The following OR4N2 variants were observed in gnomAD, a reference collection of about 807,000 sequenced individuals.
OR4N2 encodes olfactory receptor family 4 subfamily N member 2.
For missense variants in OR4N2, 307 were observed against 377.6 expected (o/e 0.81, Z 1.55); for synonymous variants, 141 against 140.4 (o/e 1.00, Z -0.03).
In OR4N2 at chr14:19,827,589, C is replaced by T; in HGVS notation, c.141C>T (p.Phe47=). ...TCCCTGGAAATTTTCTCATTATTTTCACCATAAAGTCAGACCCTGGGCTCA... is the reference window on the plus strand; with the variant it reads ...TCCCTGGAAATTTTCTCATTATTTTTACCATAAAGTCAGACCCTGGGCTCA... ...IILPGNFLII[F]TIKSDPGLTA... is the part of the protein sequence containing the mutation. Residue 47 remains phenylalanine, a synonymous_variant, in exon 2 of 2, where the codon TTC becomes TTT. Coordinates refer to ENST00000557677, the MANE Select transcript of OR4N2 (RefSeq NM_001004723.3). 1.2e-6 allele frequency: 2 copies of T among 1,614,212 alleles called. No individual in the cohort carries two copies. The highest frequency in any genetic ancestry group is 1.7e-6 in the Non-Finnish European group (2 of 1,180,030).
chr14:19,825,847 C>T (rs1455435934), intron 1 of OR4N2, among the ~76,000 whole-genome samples: 12 of 152,314 alleles, frequency 7.9e-5, no homozygotes, highest in South Asian at 2.1e-4. Flanking sequence ...CATGAGTCAT[C>T]GTGCCCGGCC....
At chr14:19,806,301 A>G (rs1879163275) in intron 1 of OR4N2, among the ~76,000 whole-genome samples, 1 of 151,606 alleles carries the variant, frequency 6.6e-6, no homozygotes, top group East Asian at 1.9e-4. Flanking sequence ...AAAAGGCAAG[A>G]CACCACTGTC....
chr14:19,817,358 T>C (rs1351081175), intron 1 of OR4N2, among the ~76,000 whole-genome samples: 4 of 152,262 alleles, frequency 2.6e-5, no homozygotes, highest in Non-Finnish European at 5.9e-5. Context: ...AATTACTGCC[T>C]CGATTTCAAA....
At chr14:19,821,425 T>C (rs1879562288) in intron 1 of OR4N2, among the ~76,000 whole-genome samples, 1 of 152,236 alleles carries the variant, frequency 6.6e-6, no homozygotes, top group South Asian at 2.1e-4. Context: ...AAGCCTTTAA[T>C]TGAAAAATTT....
intron 1 of OR4N2, among the ~76,000 whole-genome samples, chr14:19,818,663 G>C (rs1308094183): frequency 2.0e-5 from 3 of 152,114 alleles, no homozygotes; most frequent in Admixed American, 6.6e-5. Flanking sequence ...ATTCTAACTG[G>C]GGACTTAACC....
rs1279491782 is a variant in OR4N2 at position 19,829,667 on chromosome 14, C to A, written c.*1295C>A. On this transcript the variant is annotated 3_prime_UTR_variant, in exon 2 of 2. Coordinates refer to ENST00000557677, the MANE Select transcript of OR4N2 (RefSeq NM_001004723.3). ...ATAACAGAAGCCTCTCCTACTGCAT[C>A]CCTTTAACTAGCTGACTATATATTC... is the stretch of plus-strand genomic sequence containing the variant. 6.6e-6 allele frequency: 1 copy of A among 152,262 alleles called. No homozygotes were observed. Among genetic ancestry groups the A allele is most frequent in the Non-Finnish European group, 1.5e-5 (1 of 68,052 alleles). The allele number at this position is 152,262 out of a possible 1,614,324, so 9.4% of individuals were successfully genotyped here.
chr14:19,826,916 T>G (rs1487034405), intron 1 of OR4N2, among the ~76,000 whole-genome samples: 7 of 152,192 alleles, frequency 4.6e-5, no homozygotes, highest in Non-Finnish European at 8.8e-5. Flanking sequence ...GTAAATTAGA[T>G]GATAAGACAG....
intron 1 of OR4N2, among the ~76,000 whole-genome samples, chr14:19,821,399 C>A (rs111242534): frequency 6.6e-6 from 1 of 151,406 alleles, no homozygotes; most frequent in Non-Finnish European, 1.5e-5. Flanking sequence ...TGCCAGCCAC[C>A]GTCTAAAGTT....
intron 1 of OR4N2, among the ~76,000 whole-genome samples, chr14:19,808,840 A>G (rs1423931331): frequency 6.6e-6 from 1 of 152,222 alleles, no homozygotes; most frequent in East Asian, 1.9e-4. Flanking sequence ...AAAAGTAAAA[A>G]AAATGAAACT....
At chr14:19,823,732 C>A (rs1879623117) in intron 1 of OR4N2, among the ~76,000 whole-genome samples, 1 of 147,166 alleles carries the variant, frequency 6.8e-6, no homozygotes. Context: ...TAAATAGAGC[C>A]AGAAAGAAAC....
At chr14:19,818,296 C>G (rs1879478288) in intron 1 of OR4N2, among the ~76,000 whole-genome samples, 2 of 151,472 alleles carry the variant, frequency 1.3e-5, no homozygotes, top group Non-Finnish European at 2.9e-5. Flanking sequence ...AAATCTCCCA[C>G]TATTATTGTG....
intron 1 of OR4N2, among the ~76,000 whole-genome samples, chr14:19,816,919 C>T (rs574795921): frequency 1.9e-4 from 29 of 152,280 alleles, no homozygotes; most frequent in East Asian, 1.7e-3. Flanking sequence ...TGAATTTTAT[C>T]GAAGGCCTTT....
At chr14:19,804,060 T>A (rs61976676) in intron 1 of OR4N2, among the ~76,000 whole-genome samples, 53,340 of 148,084 alleles carry the variant, frequency 0.36, 6,170 homozygotes, top group East Asian at 0.44. Flanking sequence ...TTGTCATTTC[T>A]GACTGTGTTT....
chr14:19,823,260 A>T (rs563524380), intron 1 of OR4N2, among the ~76,000 whole-genome samples: 6 of 152,346 alleles, frequency 3.9e-5, no homozygotes, highest in Middle Eastern at 3.4e-3. Flanking sequence ...TTTGTATTCA[A>T]TATATTTATT....
intron 1 of OR4N2, among the ~76,000 whole-genome samples, chr14:19,812,329 C>CTTTTTTTTTTTTTTTTTTTTTTTT (rs3078143): frequency 1.0e-4 from 12 of 117,436 alleles, no homozygotes; most frequent in African/African-American, 3.3e-4. Flanking sequence ...CTTTTCTTTT[C>CTTTTTTTTTTTTTTTTTTTTTTTT]TTTTTTTTTT....
At chr14:19,827,157 C>A (rs557748293) in intron 1 of OR4N2, among the ~76,000 whole-genome samples, 1 of 152,316 alleles carries the variant, frequency 6.6e-6, no homozygotes, top group South Asian at 2.1e-4. Flanking sequence ...TGTAGGAATC[C>A]CAACGTGGAG....
chr14:19,823,942 C>T (rs1260656524), intron 1 of OR4N2, among the ~76,000 whole-genome samples: 2 of 152,256 alleles, frequency 1.3e-5, no homozygotes, highest in Non-Finnish European at 2.9e-5. Flanking sequence ...TCCAGGCATG[C>T]ACACACAGAG....
intron 1 of OR4N2, among the ~76,000 whole-genome samples, chr14:19,810,130 A>G (rs1455962127): frequency 6.6e-6 from 1 of 152,276 alleles, no homozygotes; most frequent in Non-Finnish European, 1.5e-5. Flanking sequence ...TCCAGAATCT[A>G]CAAGGAACTT....
intron 1 of OR4N2, among the ~76,000 whole-genome samples, chr14:19,807,909 G>A (rs1879203695): frequency 6.6e-6 from 1 of 152,178 alleles, no homozygotes; most frequent in Non-Finnish European, 1.5e-5. Flanking sequence ...TACTATTCCT[G>A]AGATGTAAGG....
Sources: allele counts gnomAD v4.1 joint callset (sites outside exome capture counted in the v4.1 genomes callset), GRCh38; gene constraint gnomAD v4.1.1; transcripts MANE v1.5; gene names NCBI Gene and HGNC (gene_info 2026-07-23, HGNC 2026-07-21).